The following KLHL29 variants were observed in gnomAD, a reference collection of about 807,000 sequenced individuals.
KLHL29 encodes kelch like family member 29, also known as kelch-like protein 29.
Under a neutral mutation model 80.4 loss-of-function variants are expected in KLHL29, and 21 were observed. The ratio of observed to expected loss-of-function variants is 0.26; its 90% CI spans 0.19 to 0.38. The LOEUF (loss-of-function observed/expected upper bound fraction) is 0.38, where lower values mean the gene tolerates loss of function less well. Among genes scored for constraint, KLHL29 ranks in the 10% least tolerant of loss-of-function variants. The pLI is 1.00. For synonymous variants in KLHL29, 511 were observed against 526.8 expected, an observed-to-expected ratio of 0.97 and a Z score of 0.41; for missense variants, 867 against 1,223.9, an observed-to-expected ratio of 0.71 and a Z score of 4.35.
chr2:23,658,596 G>C (rs747622), intron 5 of KLHL29, among the ~76,000 whole-genome samples: 121,554 of 152,102 alleles, frequency 0.8, 51,701 homozygotes, highest in East Asian at 0.99. Flanking sequence ...GGCCGTCCAT[G>C]AGGGGCCATC....
chr2:23,600,478 G>A (rs1456366971), intron 3 of KLHL29, among the ~76,000 whole-genome samples: 2 of 152,190 alleles, frequency 1.3e-5, no homozygotes, highest in Non-Finnish European at 2.9e-5. Context: ...CTGGGTGTTC[G>A]CAGCTCCCAT....
At chr2:23,693,917 G>A (rs528277203) in intron 8 of KLHL29, among the ~76,000 whole-genome samples, 1 of 152,182 alleles carries the variant, frequency 6.6e-6, no homozygotes, top group Non-Finnish European at 1.5e-5. Context: ...GGGAGAGTGA[G>A]GTCCTGAGGG....
chr2:23,443,485 C>T (rs1272159763), intron 1 of KLHL29, among the ~76,000 whole-genome samples: 1 of 152,096 alleles, frequency 6.6e-6, no homozygotes, highest in Non-Finnish European at 1.5e-5. Context: ...CTAAAATAAC[C>T]CTCCACTTTT....
intron 1 of KLHL29, among the ~76,000 whole-genome samples, chr2:23,428,428 A>G (rs943573253): frequency 6.6e-6 from 1 of 152,124 alleles, no homozygotes; most frequent in African/African-American, 2.4e-5. Flanking sequence ...GGCACTCCAT[A>G]ATCACTTTAC....
At chr2:23,458,442 C>A (rs1664121549) in intron 1 of KLHL29, among the ~76,000 whole-genome samples, 1 of 152,214 alleles carries the variant, frequency 6.6e-6, no homozygotes, top group Non-Finnish European at 1.5e-5. Flanking sequence ...TTGACAAAAC[C>A]AGCTGCATTT....
chr2:23,499,396 A>C (rs1356630099), intron 2 of KLHL29, among the ~76,000 whole-genome samples: 2 of 152,164 alleles, frequency 1.3e-5, no homozygotes, highest in African/African-American at 4.8e-5. Context: ...CATTGCATTG[A>C]AAATACCTGG....
chr2:23,548,673 A>G (rs1199901071), intron 2 of KLHL29, among the ~76,000 whole-genome samples: 1 of 152,234 alleles, frequency 6.6e-6, no homozygotes, highest in Non-Finnish European at 1.5e-5. Context: ...GCCGACCAGC[A>G]GTGAGCGCGT....
At chr2:23,477,149 G>A (rs1056593707) in intron 2 of KLHL29, among the ~76,000 whole-genome samples, 5 of 152,262 alleles carry the variant, frequency 3.3e-5, no homozygotes, top group African/African-American at 1.2e-4. Flanking sequence ...GGTGAGCACA[G>A]GCCATAGCAG....
At chr2:23,473,469 C>G (rs771242132) in intron 1 of KLHL29, among the ~76,000 whole-genome samples, 1 of 152,144 alleles carries the variant, frequency 6.6e-6, no homozygotes, top group Non-Finnish European at 1.5e-5. Flanking sequence ...CCAGAGAACT[C>G]AGCTGTGCAT....
At chr2:23,416,821 T>G (rs1666990544) in intron 1 of KLHL29, among the ~76,000 whole-genome samples, 1 of 152,234 alleles carries the variant, frequency 6.6e-6, no homozygotes, top group African/African-American at 2.4e-5. Flanking sequence ...AGTATTGTTA[T>G]GGGCTCCCTA....
intron 1 of KLHL29, among the ~76,000 whole-genome samples, chr2:23,433,925 A>G (rs1663258280): frequency 6.6e-6 from 1 of 151,854 alleles, no homozygotes; most frequent in Non-Finnish European, 1.5e-5. Flanking sequence ...TCTCTAAGAG[A>G]AAAAATGAAC....
In KLHL29 at chr2:23,682,852, G is replaced by A. The variant is rs565213124; in HGVS notation, c.941-1547G>A. Among the ~76,000 whole-genome samples, 4 of 151,786 alleles carry A rather than the reference G, an allele frequency of 2.6e-5. No individual in the cohort carries two copies. The highest frequency in any genetic ancestry group is 2.6e-4 in the Admixed American group (4 of 15,238). ...CTGGAGATGCTCTGCTGTGACTCCA[G>A]ACTCAGTGTGACTTGGGGTTGGCGG... On this transcript the variant is annotated intron_variant, in intron 5 of 13. Coordinates refer to ENST00000486442, the MANE Select transcript of KLHL29 (RefSeq NM_052920.2). The surrounding 1 kb of genome is among the most constrained non-coding windows in gnomAD (Gnocchi z 4.1).
At chr2:23,550,665 C>G (rs1667100944) in intron 2 of KLHL29, among the ~76,000 whole-genome samples, 1 of 152,226 alleles carries the variant, frequency 6.6e-6, no homozygotes, top group African/African-American at 2.4e-5. Context: ...TCCAAATAGA[C>G]TTTTGAATAG....
chr2:23,497,815 A>G (rs932641705), intron 2 of KLHL29, among the ~76,000 whole-genome samples: 30 of 152,184 alleles, frequency 2.0e-4, no homozygotes, highest in African/African-American at 7.2e-4. Context: ...AGTGGGCCTC[A>G]GCACTGAAGT....
chr2:23,599,568 G>A (rs1442197816), intron 3 of KLHL29, among the ~76,000 whole-genome samples: 2 of 151,036 alleles, frequency 1.3e-5, no homozygotes, highest in Admixed American at 1.3e-4. Flanking sequence ...TATATGACAT[G>A]TAAATATTTA....
At chr2:23,586,362 C>CTTTTTTTTT in intron 3 of KLHL29, among the ~76,000 whole-genome samples, 1 of 96,992 alleles carries the variant, frequency 1.0e-5, no homozygotes. Context: ...AAAAGCATTA[C>CTTTTTTTTT]TTTTTTTTTT....
rs1384127712 is a variant in KLHL29 at position 23,506,514 on chromosome 2, C to T, written c.-46+30847C>T. Among the ~76,000 whole-genome samples, 4 of 152,224 alleles carry T rather than the reference C, an allele frequency of 2.6e-5. No individual in the cohort carries two copies. The East Asian group carries it at 7.7e-4, about 29-fold the overall frequency. ...TCTTTTATTAATTGTTGTTACTCCA[C>T]CGCCTTGCCAGGGACAAGGACCCTA... is the stretch of plus-strand genomic sequence containing the variant. On this transcript the variant is annotated intron_variant, in intron 2 of 13. Transcript: ENST00000486442.
chr2:23,677,473 A>C (rs1049925723), intron 5 of KLHL29, among the ~76,000 whole-genome samples: 2 of 152,252 alleles, frequency 1.3e-5, no homozygotes, highest in African/African-American at 4.8e-5. Context: ...GTTTGCCTGC[A>C]TAGGGCCTCA....
Position 23,706,839 on chromosome 2 carries a change from G to A in KLHL29, c.*175G>A. On this transcript the variant is annotated 3_prime_UTR_variant, in exon 14 of 14. Transcript: ENST00000486442. ...AATGTAGAAAATCATCCTCGCCTTTGGATGAAACGGAGGCACCGCGCTTGG... is the reference window on the plus strand; with the variant it reads ...AATGTAGAAAATCATCCTCGCCTTTAGATGAAACGGAGGCACCGCGCTTGG... The A allele has an allele frequency of 1.9e-6, 1 of 538,460 alleles. No homozygotes were observed. The highest frequency in any genetic ancestry group is 3.1e-6 in the Non-Finnish European group (1 of 324,386). 33.4% of individuals were successfully genotyped at this position (538,460 alleles called of 1,614,324 possible). A position where few individuals can be genotyped will look rare whatever the true frequency, so the allele number is the denominator to read the frequency against.
Sources: allele counts gnomAD v4.1 joint callset (sites outside exome capture counted in the v4.1 genomes callset), GRCh38; gene constraint gnomAD v4.1.1; non-coding constraint Gnocchi (gnomAD v3.1); transcripts MANE v1.5; gene names NCBI Gene and HGNC (gene_info 2026-07-23, HGNC 2026-07-21).